Variants in DNAH8 observed in about 807,000 individuals in gnomAD.
The protein encoded by DNAH8 is axonemal beta dynein heavy chain 8.
Under a neutral mutation model 562.1 loss-of-function variants are expected in DNAH8, and 382 were observed. The observed-to-expected ratio is 0.68, with a 90% CI of 0.63 to 0.74. The LOEUF (loss-of-function observed/expected upper bound fraction) is 0.74, where lower values mean the gene tolerates loss of function less well. Ranked by LOEUF, DNAH8 falls within the 30% of genes least tolerant of loss-of-function variation. DNAH8 has a pLI of 0.00. For missense variants in DNAH8, 5,203 were observed against 5,620.4 expected, an observed-to-expected ratio of 0.93 and a Z score of 2.37; for synonymous variants, 1,881 against 1,919.4, an observed-to-expected ratio of 0.98 and a Z score of 0.52.
intron 87 of DNAH8, among the ~76,000 whole-genome samples, chr6:38,986,550 C>T (rs1248018044): frequency 6.6e-6 from 1 of 151,368 alleles, no homozygotes; most frequent in Non-Finnish European, 1.5e-5. Flanking sequence ...GAGAAACTGA[C>T]CTCTGTATTT....
intron 9 of DNAH8, among the ~76,000 whole-genome samples, chr6:38,754,617 A>G (rs1765751134): frequency 6.6e-6 from 1 of 152,118 alleles, no homozygotes; most frequent in Non-Finnish European, 1.5e-5. Context: ...AGTTCCTTGA[A>G]GGGAGGGATG....
intron 40 of DNAH8, 43 bp from the exon 41 acceptor site, chr6:38,853,143 C>T: frequency 6.5e-7 from 1 of 1,528,074 alleles, no homozygotes; most frequent in South Asian, 1.2e-5. Flanking sequence ...GTAAAAATGC[C>T]AAATTATTAT....
At chr6:38,989,700 C>T (rs1764650295) in intron 87 of DNAH8, among the ~76,000 whole-genome samples, 1 of 152,134 alleles carries the variant, frequency 6.6e-6, no homozygotes, top group African/African-American at 2.4e-5. Context: ...CAGTATGTTC[C>T]TATTCCTAAA....
At chr6:38,875,569 A>C (rs541359631) in intron 52 of DNAH8, 22 bp from the exon 53 acceptor site, 1 of 1,357,788 alleles carries the variant, frequency 7.4e-7, no homozygotes, top group Non-Finnish European at 1.0e-6. Context: ...TTAAAAATTT[A>C]TTTTATTTGA....
At chr6:38,750,862 A>G (rs1765383856) in intron 9 of DNAH8, among the ~76,000 whole-genome samples, 1 of 152,246 alleles carries the variant, frequency 6.6e-6, no homozygotes, top group South Asian at 2.1e-4. Context: ...ACATCCTGCC[A>G]AAAGTTATTT....
chr6:38,904,452 G>A (rs1416406509), intron 62 of DNAH8, among the ~76,000 whole-genome samples: 1 of 152,122 alleles, frequency 6.6e-6, no homozygotes, highest in Non-Finnish European at 1.5e-5. Flanking sequence ...ACAGAGAGGA[G>A]GAAATCCAGA....
Position 38,815,534 on chromosome 6 carries a change from G to A in DNAH8, c.3400G>A (p.Val1134Ile). ...CCGTATGATCCAGTTAACCCTGGAGGTCAGCAGAGGAGTGGCTCACTGGGG... is the reference window on the plus strand; with the variant it reads ...CCGTATGATCCAGTTAACCCTGGAGATCAGCAGAGGAGTGGCTCACTGGGG... Reference protein sequence around the residue: ...INRMIQLTLEVSRGVAHWGQQ... With the variant: ...INRMIQLTLEISRGVAHWGQQ... The change falls in exon 26 of 93, where the codon GTC (valine) becomes ATC (isoleucine). Residue 1134 changes from valine to isoleucine, a missense_variant. This residue lies in a region of DNAH8 where 2,176 missense variants were observed against 2,365.1 expected (regional missense o/e 0.92). Coordinates refer to ENST00000327475, the MANE Select transcript of DNAH8 (RefSeq NM_001206927.2). 6.2e-7 allele frequency: 1 copy of A among 1,613,980 alleles called. No homozygotes were observed. Among genetic ancestry groups the A allele is most frequent in the Non-Finnish European group, 8.5e-7 (1 of 1,179,892 alleles).
intron 24 of DNAH8, among the ~76,000 whole-genome samples, chr6:38,811,703 G>C (rs1025071586): frequency 7.6e-4 from 115 of 152,122 alleles, no homozygotes; most frequent in African/African-American, 2.3e-3. Context: ...GATTTCGTTA[G>C]CTCTCTTTCT....
At chr6:38,793,551 G>T (rs1583021370) in intron 21 of DNAH8, among the ~76,000 whole-genome samples, 1 of 151,948 alleles carries the variant, frequency 6.6e-6, no homozygotes, top group Non-Finnish European at 1.5e-5. Flanking sequence ...TTCTTGTAAA[G>T]AACATTTAAC....
chr6:39,025,360 C>T (rs1767204506), intron 91 of DNAH8, among the ~76,000 whole-genome samples: 1 of 152,180 alleles, frequency 6.6e-6, no homozygotes, highest in African/African-American at 2.4e-5. Context: ...GGACTGAGCT[C>T]CTTGAATGTG....
intron 62 of DNAH8, among the ~76,000 whole-genome samples, chr6:38,900,523 T>C (rs1194958495): frequency 4.6e-5 from 7 of 152,246 alleles, no homozygotes; most frequent in Non-Finnish European, 8.8e-5. Context: ...TAGTTTTCCA[T>C]GTGGTTGTAC....
At chr6:38,888,683 G>A (rs903167800) in intron 57 of DNAH8, among the ~76,000 whole-genome samples, 1 of 152,124 alleles carries the variant, frequency 6.6e-6, no homozygotes, top group African/African-American at 2.4e-5. Flanking sequence ...AACACCAAGC[G>A]ATACCATTTC....
intron 20 of DNAH8, among the ~76,000 whole-genome samples, chr6:38,791,159 A>C (rs1769707076): frequency 6.6e-6 from 1 of 152,184 alleles, no homozygotes; most frequent in South Asian, 2.1e-4. Context: ...ATGGTGTAGT[A>C]AACAAACTCA....
At chr6:38,848,854 T>C in intron 37 of DNAH8, 53 bp downstream of exon 37, 2 of 1,556,232 alleles carry the variant, frequency 1.3e-6, no homozygotes, top group South Asian at 1.1e-5. Flanking sequence ...ATGTTGTCTA[T>C]ATGTCTCTGT....
intron 11 of DNAH8, among the ~76,000 whole-genome samples, chr6:38,766,169 A>G (rs1766981135): frequency 9.1e-6 from 1 of 109,966 alleles, no homozygotes; most frequent in South Asian, 2.9e-4. Context: ...GTGTATGGAT[A>G]CATATATATA....
chr6:38,906,429 A>G, intron 63 of DNAH8, 22 bp downstream of exon 63: 1 of 1,522,654 alleles, frequency 6.6e-7, no homozygotes, highest in Admixed American at 2.1e-5. Flanking sequence ...AAGTAGAGAA[A>G]AAGCCCATAT....
chr6:38,997,483 C>G (rs1363696960), intron 88 of DNAH8, among the ~76,000 whole-genome samples: 1 of 152,134 alleles, frequency 6.6e-6, no homozygotes, highest in Non-Finnish European at 1.5e-5. Context: ...GAGTTGGGAA[C>G]AGGAGTATGT....
intron 82 of DNAH8, among the ~76,000 whole-genome samples, chr6:38,960,250 CA>C (rs2150663009): frequency 6.6e-6 from 1 of 151,868 alleles, no homozygotes; most frequent in Admixed American, 6.5e-5. Flanking sequence ...GCAACCAAAG[CA>C]AAAATAGACA....
intron 14 of DNAH8, 53 bp from the exon 15 acceptor site, chr6:38,779,913 C>T: frequency 6.7e-7 from 1 of 1,491,744 alleles, no homozygotes; most frequent in Non-Finnish European, 9.3e-7. Context: ...GACAGCAAGT[C>T]TTAAGTATAT....
Sources: allele counts gnomAD v4.1 joint callset (sites outside exome capture counted in the v4.1 genomes callset), GRCh38; gene constraint gnomAD v4.1.1; regional missense constraint gnomAD v4.1.1; transcripts MANE v1.5; gene names NCBI Gene and HGNC (gene_info 2026-07-23, HGNC 2026-07-21).